CSMD1: variants seen among roughly 807,000 people sequenced by gnomAD.
CSMD1 encodes the protein CUB and sushi domain-containing protein 1.
Under a neutral mutation model 417.5 loss-of-function variants are expected in CSMD1, and 213 were observed. That is an observed-to-expected ratio of 0.51 (90% CI 0.46 to 0.57). CSMD1 has a LOEUF of 0.57. Ranked by LOEUF, CSMD1 falls within the 20% of genes least tolerant of loss-of-function variation. The pLI is 0.00. For synonymous variants in CSMD1, 2,862 were observed against 1,736.8 expected (o/e 1.65, Z -16.11); for missense variants, 6,923 against 4,529.7 (o/e 1.53, Z -15.17).
chr8:3,883,542 AT>A (rs1806352002), intron 5 of CSMD1, among the ~76,000 whole-genome samples: 1 of 152,198 alleles, frequency 6.6e-6, no homozygotes, highest in African/African-American at 2.4e-5. Context: ...GTACTATTTA[AT>A]AACTAAAGCA....
chr8:4,778,454 T>G (rs964472647), intron 1 of CSMD1, among the ~76,000 whole-genome samples: 3 of 152,338 alleles, frequency 2.0e-5, no homozygotes. Flanking sequence ...TTCCAGGAAT[T>G]GTAATGTATT....
At chr8:4,929,607 G>C (rs1414193973) in intron 1 of CSMD1, among the ~76,000 whole-genome samples, 1 of 152,162 alleles carries the variant, frequency 6.6e-6, no homozygotes, top group Admixed American at 6.5e-5. Flanking sequence ...GTCTACAAAT[G>C]ATTTCATCAT....
chr8:3,411,031 T>C (rs1338756066), intron 12 of CSMD1, among the ~76,000 whole-genome samples: 1 of 152,032 alleles, frequency 6.6e-6, no homozygotes, highest in East Asian at 1.9e-4. Context: ...GAGGGACAAA[T>C]GGGCAGAGGT....
intron 3 of CSMD1, among the ~76,000 whole-genome samples, chr8:4,401,320 A>C (rs1453422010): frequency 6.6e-6 from 1 of 152,218 alleles, no homozygotes. Flanking sequence ...CAGGAATAAA[A>C]TTAAGTGTGC....
chr8:4,528,045 A>C (rs867462854), intron 2 of CSMD1, among the ~76,000 whole-genome samples: 3 of 152,162 alleles, frequency 2.0e-5, no homozygotes, highest in African/African-American at 2.4e-5. Context: ...ACATGCATCA[A>C]AGCCTAGAGC....
chr8:4,216,120 C>A (rs542761672), intron 3 of CSMD1, among the ~76,000 whole-genome samples: 3 of 152,254 alleles, frequency 2.0e-5, no homozygotes, highest in African/African-American at 7.2e-5. Context: ...AATCTGGCTG[C>A]CACCTGCCTT....
intron 4 of CSMD1, among the ~76,000 whole-genome samples, chr8:4,003,847 A>ATTTCG (rs1554513398): frequency 6.6e-6 from 1 of 151,510 alleles, no homozygotes; most frequent in Non-Finnish European, 1.5e-5. Flanking sequence ...TATGTGAACT[A>ATTTCG]TTTAATCACA....
In CSMD1 at chr8:3,701,714, C is replaced by T. The variant is rs1800881225; in HGVS notation, c.1009+6700G>A. Reference sequence around the variant, plus strand: ...AATCAGTCAGGGTATTTACAAAAGACAATCCAAACACTCTACAGTTATAAT... The same window carrying T: ...AATCAGTCAGGGTATTTACAAAAGATAATCCAAACACTCTACAGTTATAAT... On this transcript the variant is annotated intron_variant, in intron 7 of 69. Coordinates refer to ENST00000635120, the MANE Select transcript of CSMD1 (RefSeq NM_033225.6). Among the ~76,000 whole-genome samples, 3 of 152,118 alleles carry T rather than the reference C, an allele frequency of 2.0e-5. No homozygotes were observed. The East Asian group carries it at 5.8e-4, about 29-fold the overall frequency.
At chr8:4,767,462 G>A (rs1353068153) in intron 1 of CSMD1, among the ~76,000 whole-genome samples, 1 of 152,012 alleles carries the variant, frequency 6.6e-6, no homozygotes, top group African/African-American at 2.4e-5. Flanking sequence ...AGCTCACTGG[G>A]GCTCTGCCTC....
intron 1 of CSMD1, among the ~76,000 whole-genome samples, chr8:4,827,127 G>C (rs183951821): frequency 6.6e-6 from 1 of 152,190 alleles, no homozygotes; most frequent in African/African-American, 2.4e-5. Flanking sequence ...GAATCAATCA[G>C]CTAGAATAAT....
rs376902458 is a variant in CSMD1, at chr8:3,523,913, GCA to G, written c.1345-30189_1345-30188del. The stretch of plus-strand genomic sequence containing the variant: ...CAGAGACATATGCACACATGTACAC[GCA>G]CACACACATATGCATGCACACTCAG... On this transcript the variant is annotated intron_variant, in intron 10 of 69. Transcript: ENST00000635120. Among the ~76,000 whole-genome samples the G allele has an allele frequency of 4.9e-3, 627 of 128,662 alleles. 3 individuals are homozygous for G. The highest frequency in any genetic ancestry group is 7.7e-3 in the African/African-American group (255 of 33,186). The allele number at this position is 128,662 out of a possible 152,430, so 84.4% of individuals were successfully genotyped here. A position where few individuals can be genotyped will look rare whatever the true frequency, so the allele number is the denominator to read the frequency against.
At chr8:3,176,335 C>T (rs1820934335) in intron 37 of CSMD1, among the ~76,000 whole-genome samples, 1 of 151,416 alleles carries the variant, frequency 6.6e-6, no homozygotes, top group Non-Finnish European at 1.5e-5. Flanking sequence ...TATCTGTGAA[C>T]ATCTCTGAAT....
At chr8:4,511,941 T>C (rs1010416831) in intron 2 of CSMD1, among the ~76,000 whole-genome samples, 3 of 152,070 alleles carry the variant, frequency 2.0e-5, no homozygotes, top group Non-Finnish European at 2.9e-5. Flanking sequence ...CCTAACAAGA[T>C]AGGCCCACAT....
chr8:3,316,182 T>G (rs1290212088), intron 23 of CSMD1, among the ~76,000 whole-genome samples: 1 of 152,218 alleles, frequency 6.6e-6, no homozygotes, highest in African/African-American at 2.4e-5. Context: ...AATATTGTTC[T>G]AACTTGTACA....
chr8:3,828,641 C>T (rs956826042), intron 5 of CSMD1, among the ~76,000 whole-genome samples: 2 of 152,120 alleles, frequency 1.3e-5, no homozygotes, highest in Admixed American at 6.6e-5. Context: ...ATCGTCACAC[C>T]TATTTTAATC....
intron 1 of CSMD1, among the ~76,000 whole-genome samples, chr8:4,765,926 G>A (rs1297485499): frequency 6.6e-6 from 1 of 152,140 alleles, no homozygotes; most frequent in Non-Finnish European, 1.5e-5. Context: ...AGGGTTTGAA[G>A]AATCGAGCTT....
At chr8:3,001,177 G>C (rs1807378168) in intron 52 of CSMD1, among the ~76,000 whole-genome samples, 1 of 151,982 alleles carries the variant, frequency 6.6e-6, no homozygotes, top group East Asian at 1.9e-4. Context: ...ATTATTTTTA[G>C]TAGAGATGGG....
intron 1 of CSMD1, among the ~76,000 whole-genome samples, chr8:4,645,438 C>T (rs1412495048): frequency 9.0e-5 from 2 of 22,178 alleles, no homozygotes; most frequent in African/African-American, 3.0e-4. Context: ...AGGTGTAGTG[C>T]AGGGGCAAAA....
chr8:3,535,781 C>A (rs1445396395), intron 10 of CSMD1, among the ~76,000 whole-genome samples: 1 of 152,188 alleles, frequency 6.6e-6, no homozygotes, highest in Non-Finnish European at 1.5e-5. Context: ...TTCCCACATG[C>A]TTTGAAAATT....
Sources: allele counts gnomAD v4.1 joint callset (sites outside exome capture counted in the v4.1 genomes callset), GRCh38; gene constraint gnomAD v4.1.1; transcripts MANE v1.5; gene names NCBI Gene and HGNC (gene_info 2026-07-23, HGNC 2026-07-21).